Variants in NFIA observed in about 807,000 individuals in gnomAD.
The protein encoded by NFIA is nuclear factor I A, also known as nuclear factor 1 A-type.
Under a neutral mutation model 62.8 loss-of-function variants are expected in NFIA, and 8 were observed. The observed-to-expected ratio is 0.13, with a 90% CI of 0.07 to 0.23. NFIA has a LOEUF of 0.23. Ranked by LOEUF, NFIA falls within the 10% of genes least tolerant of loss-of-function variation. NFIA has a pLI of 1.00. For missense variants in NFIA, 410 were observed against 642.1 expected, an observed-to-expected ratio of 0.64 and a Z score of 3.91; for synonymous variants, 235 against 238.1, an observed-to-expected ratio of 0.99 and a Z score of 0.12.
chr1:61,430,307 A>T (rs111815223), intron 10 of NFIA, among the ~76,000 whole-genome samples: 4,297 of 152,334 alleles, frequency 0.028, 71 homozygotes, highest in African/African-American at 0.039. Flanking sequence ...GAACTTTAAA[A>T]ATATGACTTT....
intron 2 of NFIA, among the ~76,000 whole-genome samples, chr1:61,196,069 T>G (rs1220814309): frequency 1.3e-5 from 2 of 152,218 alleles, no homozygotes; most frequent in Admixed American, 1.3e-4. Flanking sequence ...TACAAGTTTT[T>G]AATTTTACAA....
chr1:61,315,938 A>T (rs1660344128), intron 3 of NFIA, among the ~76,000 whole-genome samples: 1 of 152,184 alleles, frequency 6.6e-6, no homozygotes, highest in Non-Finnish European at 1.5e-5. Flanking sequence ...TGAACAAATA[A>T]GATGCTGTCT....
At chr1:61,321,201 TTCTC>T (rs1161791072) in intron 3 of NFIA, among the ~76,000 whole-genome samples, 2 of 152,114 alleles carry the variant, frequency 1.3e-5, no homozygotes, top group Admixed American at 6.6e-5. Flanking sequence ...TGATGCAAAA[TTCTC>T]TGTTTTTTAA....
intron 2 of NFIA, among the ~76,000 whole-genome samples, chr1:61,189,331 G>A (rs1651444455): frequency 6.6e-6 from 1 of 152,108 alleles, no homozygotes; most frequent in African/African-American, 2.4e-5. Context: ...ATGGCTTCAG[G>A]CCCTGGAGTT....
At chr1:61,171,509 A>G (rs1411047095) in intron 2 of NFIA, among the ~76,000 whole-genome samples, 1 of 152,224 alleles carries the variant, frequency 6.6e-6, no homozygotes, top group Non-Finnish European at 1.5e-5. Flanking sequence ...TATAATGCAT[A>G]CTACGTTGAC....
intron 2 of NFIA, among the ~76,000 whole-genome samples, chr1:61,115,566 A>G (rs1191090482): frequency 6.6e-6 from 1 of 152,258 alleles, no homozygotes; most frequent in Non-Finnish European, 1.5e-5. Context: ...GCAGGGACAG[A>G]GCATGGAGAT....
At chr1:61,246,968 C>T (rs987100395) in intron 2 of NFIA, among the ~76,000 whole-genome samples, 4 of 152,116 alleles carry the variant, frequency 2.6e-5, no homozygotes, top group African/African-American at 9.7e-5. Context: ...AAATGTTGAC[C>T]GTGAACCAAA....
At chr1:61,148,820 A>T (rs979111742) in intron 2 of NFIA, among the ~76,000 whole-genome samples, 4 of 152,216 alleles carry the variant, frequency 2.6e-5, no homozygotes, top group Admixed American at 2.0e-4. Context: ...AGCTGATACT[A>T]AAGTGGGTAA....
intron 3 of NFIA, among the ~76,000 whole-genome samples, chr1:61,315,074 C>G (rs528343857): frequency 4.5e-4 from 69 of 152,254 alleles, no homozygotes; most frequent in African/African-American, 1.6e-3. Flanking sequence ...TCTCTCTAAC[C>G]CTTTTAATGG....
chr1:61,232,424 C>T (rs1355641625), intron 2 of NFIA, among the ~76,000 whole-genome samples: 3 of 152,068 alleles, frequency 2.0e-5, no homozygotes, highest in Non-Finnish European at 4.4e-5. Flanking sequence ...GTTTTATTGC[C>T]ATGAGTTTGA....
Position 61,424,241 on chromosome 1 carries a change from G to A in NFIA, c.1421-2224G>A, listed in dbSNP as rs979936573. Reference sequence around the variant, plus strand: ...TTGCATGCTAAATCTTTCAAATGGAGAAATTGAGGTTAAGCAAAAATAGGT... The same window carrying A: ...TTGCATGCTAAATCTTTCAAATGGAAAAATTGAGGTTAAGCAAAAATAGGT... On this transcript the variant is annotated intron_variant, in intron 9 of 10. Transcript: ENST00000403491. 3.3e-5 allele frequency among the ~76,000 whole-genome samples: 5 copies of A among 152,224 alleles called. No homozygotes were observed. In the East Asian group the frequency reaches 9.6e-4, roughly 29 times the overall value.
Position 61,455,474 on chromosome 1 carries a change from A to G in NFIA, c.*154A>G, listed in dbSNP as rs1668259992. 2 of 1,260,498 alleles carry G rather than the reference A, an allele frequency of 1.6e-6. No individual in the cohort carries two copies. Among genetic ancestry groups the G allele is most frequent in the African/African-American group, 3.0e-5 (2 of 66,356 alleles). 78.1% of individuals were successfully genotyped at this position (1,260,498 alleles called of 1,614,324 possible). On this transcript the variant is annotated 3_prime_UTR_variant, in exon 11 of 11. Coordinates refer to ENST00000403491, the MANE Select transcript of NFIA (RefSeq NM_001134673.4). The stretch of plus-strand genomic sequence containing the variant: ...AATCAACTTGTACATGGAAACAGCA[A>G]GCATTATGGTCAAACAGCAAAGGCC...
intron 2 of NFIA, among the ~76,000 whole-genome samples, chr1:61,135,448 A>T (rs1160856668): frequency 6.6e-6 from 1 of 152,010 alleles, no homozygotes; most frequent in African/African-American, 2.4e-5. Flanking sequence ...GCTCTGTTGC[A>T]CAGGCTGGAG....
intron 2 of NFIA, among the ~76,000 whole-genome samples, chr1:61,159,103 A>G (rs897184497): frequency 6.6e-6 from 1 of 152,104 alleles, no homozygotes; most frequent in Non-Finnish European, 1.5e-5. Context: ...ATAGGGGTCT[A>G]TACATCAGTC....
intron 5 of NFIA, among the ~76,000 whole-genome samples, chr1:61,353,572 A>G (rs1189286455): frequency 1.3e-5 from 2 of 152,152 alleles, no homozygotes; most frequent in African/African-American, 4.8e-5. Flanking sequence ...ATTCCTCCTA[A>G]AGCAAGTACC....
chr1:61,350,038 G>A (rs12739067), intron 4 of NFIA, among the ~76,000 whole-genome samples: 24,477 of 151,948 alleles, frequency 0.16, 2,193 homozygotes, highest in Middle Eastern at 0.25. Context: ...ATATTCTTCA[G>A]GCGCCCCCCA....
At chr1:61,081,218 C>T (rs78055851), upstream of NFIA, among the ~76,000 whole-genome samples, 3 of 151,804 alleles carry the variant, frequency 2.0e-5, no homozygotes, top group African/African-American at 4.8e-5. Context: ...GGCTTTCCCC[C>T]CTCCGAGAGA....
rs36012809 is a variant in NFIA, at chr1:61,279,554, C to CT, written c.625+1975dup. On this transcript the variant is annotated intron_variant, in intron 3 of 10. Transcript: ENST00000403491. ...TGTAGGTGATGTCTTCAAAGTTTCA[C>CT]TTTTTTCTACATATTGTATTTGTGC... 2.0e-5 allele frequency among the ~76,000 whole-genome samples: 3 copies of CT among 152,216 alleles called. No homozygotes were observed. In the East Asian group the frequency reaches 5.8e-4, roughly 29 times the overall value.
intron 7 of NFIA, among the ~76,000 whole-genome samples, chr1:61,395,559 T>C (rs1267725860): frequency 6.6e-6 from 1 of 152,234 alleles, no homozygotes; most frequent in Non-Finnish European, 1.5e-5. Flanking sequence ...CTCACAGTAG[T>C]ATCGCTTACA....
Sources: allele counts gnomAD v4.1 joint callset (sites outside exome capture counted in the v4.1 genomes callset), GRCh38; gene constraint gnomAD v4.1.1; transcripts MANE v1.5; gene names NCBI Gene and HGNC (gene_info 2026-07-23, HGNC 2026-07-21).